Variants in RIMS1 observed in about 807,000 individuals in gnomAD.
RIMS1 encodes regulating synaptic membrane exocytosis 1.
Under a neutral mutation model 214.1 loss-of-function variants are expected in RIMS1, and 83 were observed. That is an observed-to-expected ratio of 0.39 (90% CI 0.32 to 0.47). RIMS1 has a LOEUF of 0.47. RIMS1 is among the 20% of genes least tolerant of loss of function. RIMS1 has a pLI of 0.99. For missense variants in RIMS1, 2,050 were observed against 2,161.8 expected (o/e 0.95, Z 1.03); for synonymous variants, 793 against 786.8 (o/e 1.01, Z -0.13).
At chr6:71,973,513 G>T (rs533191890) in intron 2 of RIMS1, among the ~76,000 whole-genome samples, 1 of 152,242 alleles carries the variant, frequency 6.6e-6, no homozygotes, top group Admixed American at 6.5e-5. Context: ...TAATGCTAAA[G>T]TGACTGACCT....
chr6:72,242,826 T>C (rs2067549261), intron 10 of RIMS1, among the ~76,000 whole-genome samples: 1 of 151,914 alleles, frequency 6.6e-6, no homozygotes, highest in East Asian at 1.9e-4. Flanking sequence ...AATGATTTCA[T>C]ATGTCTACAT....
At chr6:72,109,266 G>T (rs2035489166) in intron 4 of RIMS1, among the ~76,000 whole-genome samples, 2 of 152,022 alleles carry the variant, frequency 1.3e-5, no homozygotes, top group South Asian at 4.1e-4. Flanking sequence ...GATCCCTGAG[G>T]AATTGCCACA....
intron 6 of RIMS1, among the ~76,000 whole-genome samples, chr6:72,221,230 C>G (rs558310797): frequency 1.5e-3 from 221 of 151,180 alleles, no homozygotes; most frequent in Non-Finnish European, 2.4e-3. Context: ...TATGTGCGAT[C>G]TAAAATGTGA....
chr6:72,110,134 A>C (rs575565151), intron 4 of RIMS1, among the ~76,000 whole-genome samples: 44 of 152,236 alleles, frequency 2.9e-4, no homozygotes, highest in Admixed American at 1.7e-3. Context: ...GTCAGGTAGC[A>C]TGATGCCTCC....
chr6:72,356,320 T>G (rs554674719), intron 29 of RIMS1, among the ~76,000 whole-genome samples: 1 of 149,394 alleles, frequency 6.7e-6, no homozygotes, highest in African/African-American at 2.5e-5. Context: ...AAAAAAAAAA[T>G]GATGTTCTGT....
At chr6:72,004,514 C>G (rs1263137918) in intron 2 of RIMS1, among the ~76,000 whole-genome samples, 9 of 151,090 alleles carry the variant, frequency 6.0e-5, no homozygotes, top group Non-Finnish European at 1.0e-4. Flanking sequence ...TATTTCTCCA[C>G]ATCCTCTCCA....
At chr6:71,946,234 C>G (rs1164182547) in intron 1 of RIMS1, among the ~76,000 whole-genome samples, 1 of 152,062 alleles carries the variant, frequency 6.6e-6, no homozygotes, top group Non-Finnish European at 1.5e-5. Context: ...CAATGCAATC[C>G]CTATCAAAAT....
chr6:71,922,493 CCCCATCACTGCACTGCAGCCTGGA>C (rs1780305843), intron 1 of RIMS1, among the ~76,000 whole-genome samples: 1 of 152,262 alleles, frequency 6.6e-6, no homozygotes, highest in East Asian at 1.9e-4. Flanking sequence ...TGAGACATGA[CCCCATCACTGCACTGCAGCCTGGA>C]CGATAGAGCG....
intron 1 of RIMS1, among the ~76,000 whole-genome samples, chr6:71,894,199 C>A (rs1159237797): frequency 6.6e-6 from 1 of 152,236 alleles, no homozygotes; most frequent in Non-Finnish European, 1.5e-5. Flanking sequence ...AATCCCAACA[C>A]TTTGGGAGGC....
At chr6:71,991,192 G>C (rs1801464132) in intron 2 of RIMS1, among the ~76,000 whole-genome samples, 2 of 151,818 alleles carry the variant, frequency 1.3e-5, no homozygotes, top group African/African-American at 4.8e-5. Flanking sequence ...TTTTATAAAT[G>C]CCTTCCTTTA....
chr6:71,922,158 A>G (rs768225621), intron 1 of RIMS1, among the ~76,000 whole-genome samples: 1 of 152,142 alleles, frequency 6.6e-6, no homozygotes, highest in Non-Finnish European at 1.5e-5. Flanking sequence ...GTGCTAATAT[A>G]TATATAACAT....
intron 2 of RIMS1, among the ~76,000 whole-genome samples, chr6:72,039,294 AT>A (rs747577614): frequency 6.6e-5 from 10 of 152,146 alleles, no homozygotes; most frequent in African/African-American, 1.2e-4. Context: ...ATTCTTATAT[AT>A]TTTTGGCAAT....
chr6:72,166,069 C>G (rs2046215284), intron 4 of RIMS1, among the ~76,000 whole-genome samples: 1 of 152,112 alleles, frequency 6.6e-6, no homozygotes, highest in African/African-American at 2.4e-5. Context: ...ACTGAGAAGT[C>G]CAATAACAAG....
chr6:71,905,446 T>C (rs1339892634), intron 1 of RIMS1, among the ~76,000 whole-genome samples: 1 of 152,016 alleles, frequency 6.6e-6, no homozygotes, highest in Non-Finnish European at 1.5e-5. Flanking sequence ...AGAATTAACA[T>C]ACATTATTGT....
At chr6:72,078,501 T>A (rs1202777746) in intron 2 of RIMS1, among the ~76,000 whole-genome samples, 1 of 152,116 alleles carries the variant, frequency 6.6e-6, no homozygotes, top group Non-Finnish European at 1.5e-5. Flanking sequence ...AGGATACTTA[T>A]CCTTACAAAA....
chr6:72,196,375 C>CTGTCTGTTTGTCTGTT (rs869125201), intron 6 of RIMS1, among the ~76,000 whole-genome samples: 2 of 142,976 alleles, frequency 1.4e-5, no homozygotes, highest in Non-Finnish European at 3.0e-5. Flanking sequence ...GTCTGTCTGT[C>CTGTCTGTTTGTCTGTT]TGTCTATCTA....
chr6:72,394,606 C>T (rs1384136487), intron 31 of RIMS1, among the ~76,000 whole-genome samples: 3 of 151,792 alleles, frequency 2.0e-5, no homozygotes, highest in South Asian at 2.1e-4. Context: ...ATTTTGGAAG[C>T]AATAATTTTT....
chr6:72,394,054 A>C (rs1474506146), intron 31 of RIMS1, among the ~76,000 whole-genome samples: 1 of 152,068 alleles, frequency 6.6e-6, no homozygotes, highest in Admixed American at 6.5e-5. Flanking sequence ...ATGGAACCAA[A>C]AAACAAATGC....
At chr6:72,026,174 G>A (rs1816403654) in intron 2 of RIMS1, among the ~76,000 whole-genome samples, 1 of 152,090 alleles carries the variant, frequency 6.6e-6, no homozygotes. Context: ...CTTGGAGGTT[G>A]GCTACCACAT....
Sources: allele counts gnomAD v4.1 joint callset (sites outside exome capture counted in the v4.1 genomes callset), GRCh38; gene constraint gnomAD v4.1.1; transcripts MANE v1.5; gene names NCBI Gene and HGNC (gene_info 2026-07-23, HGNC 2026-07-21).